PDE1C: variants seen among roughly 807,000 people sequenced by gnomAD.
PDE1C encodes the protein dual specificity calcium/calmodulin-dependent 3',5'-cyclic nucleotide phosphodiesterase 1C.
Under a neutral mutation model 93.1 loss-of-function variants are expected in PDE1C, and 62 were observed. The observed-to-expected ratio is 0.67, with a 90% CI of 0.54 to 0.82. The LOEUF is 0.82. PDE1C is among the 40% of genes least tolerant of loss of function. The probability of loss-of-function intolerance (pLI) is 0.00; values close to 1 mark genes in which losing one functional copy is unlikely to be tolerated. For synonymous variants in PDE1C, 325 were observed against 310.1 expected (o/e 1.05, Z -0.50); for missense variants, 742 against 884.6 (o/e 0.84, Z 2.04).
chr7:32,053,818 T>C (rs1229317599), intron 1 of PDE1C, among the ~76,000 whole-genome samples: 2 of 152,048 alleles, frequency 1.3e-5, no homozygotes, highest in African/African-American at 4.8e-5. Context: ...TCCTCATAAC[T>C]CTGTAGGATC....
intron 1 of PDE1C, among the ~76,000 whole-genome samples, chr7:32,350,594 T>A (rs1203717196): frequency 6.4e-4 from 13 of 20,422 alleles, no homozygotes; most frequent in African/African-American, 1.3e-3. Flanking sequence ...ATATATATTT[T>A]TTTTTTTTTT....
intron 3 of PDE1C, among the ~76,000 whole-genome samples, chr7:32,099,833 G>A (rs1162428487): frequency 6.6e-6 from 1 of 152,002 alleles, no homozygotes; most frequent in Non-Finnish European, 1.5e-5. Context: ...TCTCTACATG[G>A]GTACCCATTC....
intron 1 of PDE1C, among the ~76,000 whole-genome samples, chr7:32,382,057 T>C (rs1246795027): frequency 6.6e-6 from 1 of 152,182 alleles, no homozygotes; most frequent in Non-Finnish European, 1.5e-5. Context: ...TTCACAGAAG[T>C]TGAAGCACAG....
intron 1 of PDE1C, among the ~76,000 whole-genome samples, chr7:32,394,086 G>A (rs1784800411): frequency 6.6e-6 from 1 of 152,214 alleles, no homozygotes; most frequent in Non-Finnish European, 1.5e-5. Context: ...CAAGTTAACT[G>A]TTGAGAAATA....
At chr7:31,698,135 A>C in the PDE1C span, among the ~76,000 whole-genome samples, 20 of 152,222 alleles carry the variant, frequency 1.3e-4, no homozygotes, top group African/African-American at 4.6e-4. Context: ...GAACAGAAGA[A>C]ACACTCTGGG....
downstream of PDE1C, among the ~76,000 whole-genome samples, chr7:31,747,170 C>T (rs1238384234): frequency 1.3e-5 from 2 of 152,086 alleles, no homozygotes; most frequent in Non-Finnish European, 2.9e-5. Context: ...GGAGCAGGCT[C>T]AACAAAGGGG....
At chr7:31,661,600 C>A in the PDE1C span, among the ~76,000 whole-genome samples, 1 of 152,086 alleles carries the variant, frequency 6.6e-6, no homozygotes, top group Non-Finnish European at 1.5e-5. Flanking sequence ...ATAATCCCAG[C>A]TACTTGGGAG....
At chr7:32,076,327 G>A (rs974951693), upstream of PDE1C, among the ~76,000 whole-genome samples, 5 of 152,112 alleles carry the variant, frequency 3.3e-5, no homozygotes, top group Non-Finnish European at 5.9e-5. Context: ...TTTTCACCAT[G>A]TGGAGAGAAT....
the PDE1C span, among the ~76,000 whole-genome samples, chr7:31,684,193 C>T: frequency 2.0e-5 from 3 of 152,144 alleles, no homozygotes; most frequent in Admixed American, 6.5e-5. Context: ...TCAGCAACAG[C>T]AACAACAGCC....
the PDE1C span, among the ~76,000 whole-genome samples, chr7:31,671,306 T>C: frequency 3.5e-4 from 54 of 152,286 alleles, no homozygotes; most frequent in African/African-American, 1.3e-3. Flanking sequence ...TCGTTCCTGA[T>C]GGCACCCAAA....
chr7:31,867,545 T>G (rs1795449705), intron 6 of PDE1C, among the ~76,000 whole-genome samples: 1 of 152,256 alleles, frequency 6.6e-6, no homozygotes, highest in South Asian at 2.1e-4. Flanking sequence ...CCTGTGAGCC[T>G]GGAGACTGGC....
chr7:31,908,364 T>A (rs1026763175), intron 2 of PDE1C, among the ~76,000 whole-genome samples: 2 of 152,182 alleles, frequency 1.3e-5, no homozygotes, highest in Non-Finnish European at 2.9e-5. Context: ...GGTGCCAAAG[T>A]TCACTATCTG....
At chr7:31,708,587 T>C in the PDE1C span, 177 of 152,368 alleles carry the variant, frequency 1.2e-3, 1 homozygote, top group African/African-American at 4.0e-3. Flanking sequence ...GCAGAGATTT[T>C]AAAATGTTTG....
chr7:31,937,614 T>A (rs192046861), intron 2 of PDE1C, among the ~76,000 whole-genome samples: 77 of 152,280 alleles, frequency 5.1e-4, no homozygotes, highest in African/African-American at 1.8e-3. Context: ...ATTTTGGGTT[T>A]ACAGTTCCAC....
chr7:31,642,722 G>A, the PDE1C span: 336 of 1,613,992 alleles, frequency 2.1e-4, no homozygotes, highest in Non-Finnish European at 2.7e-4. Flanking sequence ...GCTGAGAATG[G>A]AGGTAGAAAG....
chr7:32,081,634 CT>C (rs1437466704), intron 3 of PDE1C, among the ~76,000 whole-genome samples: 1 of 152,190 alleles, frequency 6.6e-6, no homozygotes, highest in South Asian at 2.1e-4. Flanking sequence ...CTTTTGACCA[CT>C]TTTTCTCTTC....
At chr7:32,424,840 A>AAAAT in intron 1 of PDE1C, among the ~76,000 whole-genome samples, 1 of 152,232 alleles carries the variant, frequency 6.6e-6, no homozygotes, top group Admixed American at 6.5e-5. Flanking sequence ...AACTAAAATA[A>AAAAT]AAATAAATAA....
chr7:32,134,246 C>T (rs1237594528), intron 3 of PDE1C, among the ~76,000 whole-genome samples: 1 of 151,896 alleles, frequency 6.6e-6, no homozygotes, highest in Non-Finnish European at 1.5e-5. Context: ...AAAAGATGCC[C>T]CAAACTTCCC....
At chr7:32,332,255 A>T (rs1783530212) in intron 1 of PDE1C, among the ~76,000 whole-genome samples, 1 of 152,212 alleles carries the variant, frequency 6.6e-6, no homozygotes, top group Non-Finnish European at 1.5e-5. Flanking sequence ...AATAAAAATC[A>T]ATTGCCAATA....
Sources: gnomAD v4.1 joint callset for allele counts (sites outside exome capture counted in the v4.1 genomes callset) on GRCh38, gnomAD v4.1.1 for gene constraint, MANE v1.5 for transcripts, NCBI Gene and HGNC (gene_info 2026-07-23, HGNC 2026-07-21) for gene names.